Variants in ELF4 observed in about 807,000 individuals in gnomAD.
The protein encoded by ELF4 is E74 like ETS transcription factor 4, also known as ETS-related transcription factor Elf-4.
In ELF4, 10 loss-of-function variants were observed where a neutral mutation model predicts 31.7. The observed-to-expected ratio is 0.32, with a 90% CI of 0.19 to 0.54. The LOEUF is 0.54. ELF4 is among the 20% of genes least tolerant of loss of function. The pLI, the probability that ELF4 is intolerant of heterozygous loss-of-function variation, is 0.95. For synonymous variants in ELF4, 208 were observed against 226.7 expected (o/e 0.92, Z 0.74); for missense variants, 418 against 522.0 (o/e 0.80, Z 1.94).
At chrX:130,089,732 G>T (rs1933023550) in intron 1 of ELF4, among the ~76,000 whole-genome samples, 1 of 110,936 alleles carries the variant, frequency 9.0e-6, no homozygotes, top group African/African-American at 3.3e-5. Context: ...ATTGTCTCCT[G>T]GCATCCTCAA....
intron 7 of ELF4, 111 bp from the exon 8 acceptor site, chrX:130,069,788 G>A: frequency 1.8e-6 from 2 of 1,113,480 alleles, no homozygotes; most frequent in Admixed American, 2.3e-5. Context: ...ATGAGGCTGA[G>A]TGAGGCTGGC....
At chrX:130,091,169 A>G (rs1222096616) in intron 1 of ELF4, among the ~76,000 whole-genome samples, 1 of 111,951 alleles carries the variant, frequency 8.9e-6, no homozygotes, top group Non-Finnish European at 1.9e-5. Flanking sequence ...GCTCACTCCT[A>G]TAATCCCTGT....
chrX:130,084,239 G>T (rs766355807), intron 1 of ELF4, among the ~76,000 whole-genome samples: 13 of 112,366 alleles, frequency 1.2e-4, no homozygotes, highest in Admixed American at 2.8e-4. Flanking sequence ...AGCTGCCTTC[G>T]TGAGAATGAC....
chrX:130,101,288 T>C (rs2061486504), intron 1 of ELF4, among the ~76,000 whole-genome samples: 1 of 112,414 alleles, frequency 8.9e-6, no homozygotes, highest in Non-Finnish European at 1.9e-5. Context: ...AAGAATATGA[T>C]TGGCATCTAT....
At chrX:130,071,836 T>C (rs1932790349) in intron 5 of ELF4, among the ~76,000 whole-genome samples, 1 of 111,998 alleles carries the variant, frequency 8.9e-6, no homozygotes, top group Admixed American at 9.4e-5. Context: ...AAGTCCTCTC[T>C]CATATATGGC....
At position 130,072,394 on chromosome X, in the gene ELF4, C is replaced by T; in HGVS notation, c.364G>A (p.Asp122Asn). The T allele has an allele frequency of 8.3e-7, 1 of 1,212,033 alleles. No individual in the cohort carries two copies. The highest frequency in any genetic ancestry group is 1.1e-6 in the Non-Finnish European group (1 of 895,551). The part of the protein sequence containing the change: ...QIFSTSEMLP[D>N]SDPAPAVTLP... Reference sequence around the variant, plus strand: ...GTGACAGCTGGTGCAGGGTCCGAGTCTGGAAGCATTTCGGAGGTACTGACT... The same window carrying T: ...GTGACAGCTGGTGCAGGGTCCGAGTTTGGAAGCATTTCGGAGGTACTGACT... Residue 122 changes from aspartate to asparagine, a missense_variant, in exon 5 of 9, where the codon GAC becomes AAC. By Grantham distance (23) the Asp-to-Asn change is conservative. This residue lies in a region of ELF4 where 88 missense variants were observed against 92.4 expected (regional missense o/e 0.95). Coordinates refer to ENST00000308167, the MANE Select transcript of ELF4 (RefSeq NM_001421.4).
chrX:130,068,155 G>C (rs773649833), intron 8 of ELF4, among the ~76,000 whole-genome samples: 1 of 112,086 alleles, frequency 8.9e-6, no homozygotes, highest in Non-Finnish European at 1.9e-5. Context: ...ATATAGGTCA[G>C]GGATCATTCT....
intron 1 of ELF4, among the ~76,000 whole-genome samples, chrX:130,098,904 C>T (rs758193541): frequency 8.9e-6 from 1 of 112,260 alleles, no homozygotes; most frequent in East Asian, 2.8e-4. Context: ...GGCGTCAAAG[C>T]CACAGTCCAG....
chrX:130,087,282 G>C (rs1427514442), intron 1 of ELF4, among the ~76,000 whole-genome samples: 1 of 112,063 alleles, frequency 8.9e-6, no homozygotes, highest in Non-Finnish European at 1.9e-5. Context: ...GCCAGCTCCA[G>C]CCTAGGAGAG....
chrX:130,093,045 G>T (rs1933087192), intron 1 of ELF4, among the ~76,000 whole-genome samples: 2 of 111,063 alleles, frequency 1.8e-5, no homozygotes, highest in African/African-American at 6.6e-5. Flanking sequence ...GGGTGTGATG[G>T]CTCATGCCTA....
At chrX:130,076,263 G>A (rs775773860) in intron 2 of ELF4, among the ~76,000 whole-genome samples, 3 of 111,157 alleles carry the variant, frequency 2.7e-5, no homozygotes, top group Non-Finnish European at 5.7e-5. Context: ...GGTGGCTCAT[G>A]CCTGTAATGC....
Position 130,069,481 on chromosome X carries a change from A to G in ELF4, c.1006T>C (p.Ser336Pro), listed in dbSNP as rs758711613. 5.8e-6 allele frequency: 7 copies of G among 1,212,322 alleles called. No individual in the cohort carries two copies. The highest frequency in any genetic ancestry group is 3.0e-5 in the East Asian group (1 of 33,872). Residue 336 changes from serine (S) to proline (P), a missense_variant, in exon 8 of 9, where the codon TCC becomes CCC. By Grantham distance (74) the Ser-to-Pro change is moderately conservative. Transcript: ENST00000308167. ...CCCTTGCCCTGGGGGGCAGATCTGG[A>G]TGAGACCCTGGAGCTGGTTCGCCGG... The part of the protein sequence containing the change: ...TTRRTSSRVS[S>P]RSAPQGKGSS...
chrX:130,081,456 TAG>T lies in ELF4; in HGVS notation c.-128_-127del. On this transcript the variant is annotated 5_prime_UTR_variant, in exon 2 of 9. Coordinates refer to ENST00000308167, the MANE Select transcript of ELF4 (RefSeq NM_001421.4). ...GCCTACCCCCTGAGCTGCAGTAAAATAGGGGGTGGAGAGAGCTGGAGTAGGTG... is the reference window on the plus strand; with the variant it reads ...GCCTACCCCCTGAGCTGCAGTAAAATGGGGTGGAGAGAGCTGGAGTAGGTG... 1 of 727,590 alleles carries T rather than the reference TAG, an allele frequency of 1.4e-6. No homozygotes were observed. 60.0% of individuals were successfully genotyped at this position (727,590 alleles called of 1,213,427 possible). A position where few individuals can be genotyped will look rare whatever the true frequency, so the allele number is the denominator to read the frequency against.
intron 1 of ELF4, among the ~76,000 whole-genome samples, chrX:130,105,501 G>A (rs1300324461): frequency 3.6e-5 from 4 of 111,284 alleles, no homozygotes. Flanking sequence ...ATGTGGCAGG[G>A]GGATGTCCGG....
rs1353564815 is a variant in ELF4 at position 130,066,534 on chromosome X, C to A, written c.*187G>T. 1 of 488,931 alleles carries A rather than the reference C, an allele frequency of 2.0e-6. No homozygotes were observed. The highest frequency in any genetic ancestry group is 3.4e-5 in the East Asian group (1 of 29,218). The allele number at this position is 488,931 out of a possible 1,213,427, so 40.3% of individuals were successfully genotyped here. A position where few individuals can be genotyped will look rare whatever the true frequency, so the allele number is the denominator to read the frequency against. ...CCCTAGTGCTCTTGAAGGCCATAGT[C>A]TGATGCCAGGGATGCTTAAGCTGGG... On this transcript the variant is annotated 3_prime_UTR_variant, in exon 9 of 9. Coordinates refer to ENST00000308167, the MANE Select transcript of ELF4 (RefSeq NM_001421.4).
intron 1 of ELF4, among the ~76,000 whole-genome samples, chrX:130,104,255 C>T (rs1178259656): frequency 1.9e-5 from 2 of 103,820 alleles, no homozygotes; most frequent in African/African-American, 7.1e-5. Context: ...TTCACTACAG[C>T]ACTGCCTGCC....
At position 130,074,627 on chromosome X, in the gene ELF4, C is replaced by T; in HGVS notation, c.201G>A (p.Leu67=). 1 of 1,211,932 alleles carries T rather than the reference C, an allele frequency of 8.3e-7. No individual in the cohort carries two copies. Among genetic ancestry groups the T allele is most frequent in the Non-Finnish European group, 1.1e-6 (1 of 895,618 alleles). ...VHNGIITDGT[L]CMTQDQILEG... ...CCAGGATCTGATCCTGCGTCATGCA[C>T]AAGGTCCCGTCTGTTATGATGCCAT... Residue 67 remains leucine (L), a synonymous_variant, in exon 3 of 9, where the codon TTG becomes TTA. Coordinates refer to ENST00000308167, the MANE Select transcript of ELF4 (RefSeq NM_001421.4).
At chrX:130,098,502 T>C (rs985980708) in intron 1 of ELF4, among the ~76,000 whole-genome samples, 1 of 111,670 alleles carries the variant, frequency 9.0e-6, no homozygotes, top group Admixed American at 9.5e-5. Context: ...AGGCTGACTG[T>C]GATGGAGGAG....
At position 130,101,559 on chromosome X, in the gene ELF4, G is replaced by A. The variant is rs185471877; in HGVS notation, c.-210+8766C>T. Among the ~76,000 whole-genome samples, 937 of 109,242 alleles carry A rather than the reference G, an allele frequency of 8.6e-3. 10 individuals are homozygous for A. The highest frequency in any genetic ancestry group is 0.029 in the African/African-American group (878 of 29,902). 94.9% of individuals were successfully genotyped at this position (109,242 alleles called of 115,157 possible). A position where few individuals can be genotyped will look rare whatever the true frequency, so the allele number is the denominator to read the frequency against. On this transcript the variant is annotated intron_variant, in intron 1 of 8. Coordinates refer to ENST00000308167, the MANE Select transcript of ELF4 (RefSeq NM_001421.4). ...TGTAATCCCAGCACTTTGGAAGGCC[G>A]AGGCGGGTGGATCACCTGAGGTCGG...
Sources: allele counts gnomAD v4.1 joint callset (sites outside exome capture counted in the v4.1 genomes callset), GRCh38; gene constraint gnomAD v4.1.1; regional missense constraint gnomAD v4.1.1; transcripts MANE v1.5; gene names NCBI Gene and HGNC (gene_info 2026-07-23, HGNC 2026-07-21).